Variants in KCNQ1OT1 observed in about 807,000 individuals in gnomAD.
KCNQ1OT1 encodes the protein KCNQ1 antisense RNA 2 (non-protein coding).
At chr11:2,636,679 T>G (rs1368945471) in exon 1 of KCNQ1OT1, 1 of 152,322 alleles carries the variant, frequency 6.6e-6, no homozygotes, top group East Asian at 1.9e-4. Flanking sequence ...GGCTTTGGTA[T>G]CAGGATGATG....
rs1850115411 is a variant in KCNQ1OT1, at chr11:2,668,057, T to C, written n.31938A>G. ...CAGCTTTGCCCACATTTGAACTTTA[T>C]GCGGTGGGAATGATGCAACTCATAC... On this transcript the variant is annotated non_coding_transcript_exon_variant, in exon 1 of 1. Coordinates refer to ENST00000597346, the Ensembl canonical transcript of KCNQ1OT1. This position sits in a 1 kb window ranked among gnomAD's most constrained non-coding sequence, Gnocchi z 4.3. 9 of 398,510 alleles carry C rather than the reference T, an allele frequency of 2.3e-5. No homozygotes were observed. Among genetic ancestry groups the C allele is most frequent in the Non-Finnish European group, 3.5e-5 (8 of 226,076 alleles). The allele number at this position is 398,510 out of a possible 1,614,324, so 24.7% of individuals were successfully genotyped here.
chr11:2,635,918 C>G (rs1306369392), exon 1 of KCNQ1OT1: 2 of 152,078 alleles, frequency 1.3e-5, no homozygotes, highest in African/African-American at 4.8e-5. Flanking sequence ...AAGTTGGATT[C>G]CTAGGTATTT....
In KCNQ1OT1 at chr11:2,626,716, A is replaced by G. The variant is rs1483304333; in HGVS notation, n.73279T>C. ...GCCAATTATTTTATTTTTTGTAGAG[A>G]TGAGGTCTCCCTGTGTTCCCCAGGC... On this transcript the variant is annotated non_coding_transcript_exon_variant, in exon 1 of 1. Coordinates refer to ENST00000597346, the Ensembl canonical transcript of KCNQ1OT1. The surrounding 1 kb of genome is among the most constrained non-coding windows in gnomAD (Gnocchi z 4.0). 2.5e-6 allele frequency: 1 copy of G among 398,468 alleles called. No individual in the cohort carries two copies. The highest frequency in any genetic ancestry group is 4.4e-6 in the Non-Finnish European group (1 of 226,046). 24.7% of individuals were successfully genotyped at this position (398,468 alleles called of 1,614,324 possible). A position where few individuals can be genotyped will look rare whatever the true frequency, so the allele number is the denominator to read the frequency against.
rs1849679277 is a variant in KCNQ1OT1 at position 2,647,201 on chromosome 11, C to T, written n.52794G>A. 1 of 398,162 alleles carries T rather than the reference C, an allele frequency of 2.5e-6. No homozygotes were observed. 24.7% of individuals were successfully genotyped at this position (398,162 alleles called of 1,614,324 possible). On this transcript the variant is annotated non_coding_transcript_exon_variant, in exon 1 of 1. Transcript: ENST00000597346. The surrounding 1 kb of genome is among the most constrained non-coding windows in gnomAD (Gnocchi z 4.0). ...ATCATGAAGAGATTTTGAATTTTAT[C>T]AGATGCTTTTTCTGCATCTATTGAG...
exon 1 of KCNQ1OT1, chr11:2,649,924 TG>T (rs1849731697): frequency 2.5e-6 from 1 of 398,514 alleles, no homozygotes; most frequent in Non-Finnish European, 4.4e-6. Flanking sequence ...ACTCCCAAAA[TG>T]TGAAATATTG....
At chr11:2,615,787 G>A (rs892340102) in exon 1 of KCNQ1OT1, 2 of 397,782 alleles carry the variant, frequency 5.0e-6, no homozygotes, top group Admixed American at 4.4e-5. Context: ...TGGCTTACTA[G>A]TACTTTGTTA....
exon 1 of KCNQ1OT1, chr11:2,636,574 G>C (rs1391755856): frequency 6.6e-6 from 1 of 152,138 alleles, no homozygotes; most frequent in Admixed American, 6.5e-5. Context: ...ATGTGCTGCT[G>C]GATTCGGTTT....
Position 2,671,589 on chromosome 11 carries a change from C to T in KCNQ1OT1, n.28406G>A, listed in dbSNP as rs921150738. The stretch of plus-strand genomic sequence containing the variant: ...TTGGCACTGAGCATTTATACAAGAT[C>T]AGACTGCACTGCACCCTAAGTATAA... On this transcript the variant is annotated non_coding_transcript_exon_variant, in exon 1 of 1. Coordinates refer to ENST00000597346, the Ensembl canonical transcript of KCNQ1OT1. The surrounding 1 kb of genome is among the most constrained non-coding windows in gnomAD (Gnocchi z 4.7). The T allele has an allele frequency of 1.5e-5, 6 of 398,496 alleles. No homozygotes were observed. Among genetic ancestry groups the T allele is most frequent in the African/African-American group, 1.2e-4 (6 of 48,622 alleles). The allele number at this position is 398,496 out of a possible 1,614,324, so 24.7% of individuals were successfully genotyped here.
At chr11:2,662,640 C>T (rs757310092) in exon 1 of KCNQ1OT1, 38 of 408,542 alleles carry the variant, frequency 9.3e-5, no homozygotes, top group Non-Finnish European at 1.3e-4. Flanking sequence ...TGCCCGGCCA[C>T]GGTGTGATTC....
Position 2,624,689 on chromosome 11 carries a change from A to T in KCNQ1OT1, n.75306T>A, listed in dbSNP as rs1849234834. On this transcript the variant is annotated non_coding_transcript_exon_variant, in exon 1 of 1. Transcript: ENST00000597346. This position sits in a 1 kb window ranked among gnomAD's most constrained non-coding sequence, Gnocchi z 4.9. ...CATCACTATCATCCATCTCCATAACACTTGTCATTTGTAATTATGAAACTC... is the reference window on the plus strand; with the variant it reads ...CATCACTATCATCCATCTCCATAACTCTTGTCATTTGTAATTATGAAACTC... 2.5e-6 allele frequency: 1 copy of T among 398,398 alleles called. No individual in the cohort carries two copies. Among genetic ancestry groups the T allele is most frequent in the Non-Finnish European group, 4.4e-6 (1 of 226,042 alleles). 24.7% of individuals were successfully genotyped at this position (398,398 alleles called of 1,614,324 possible). A position where few individuals can be genotyped will look rare whatever the true frequency, so the allele number is the denominator to read the frequency against.
chr11:2,660,608 G>A (rs889487907), exon 1 of KCNQ1OT1: 2 of 398,592 alleles, frequency 5.0e-6, no homozygotes, highest in East Asian at 3.6e-5. Context: ...CCAAACAGAT[G>A]CCAAGCCCAT....
chr11:2,672,549 G>A (rs1850205504), exon 1 of KCNQ1OT1: 1 of 398,554 alleles, frequency 2.5e-6, no homozygotes, highest in South Asian at 1.3e-4. Context: ...TTCCACATTG[G>A]AAGGTGGCCT....
exon 1 of KCNQ1OT1, chr11:2,649,689 C>A (rs1849728226): frequency 1.3e-5 from 5 of 398,398 alleles, no homozygotes; most frequent in Non-Finnish European, 1.8e-5. Flanking sequence ...TGTTGATTCC[C>A]TTATATGTGA....
exon 1 of KCNQ1OT1, chr11:2,693,487 A>G (rs1850622795): frequency 2.5e-6 from 1 of 398,688 alleles, no homozygotes; most frequent in Non-Finnish European, 4.4e-6. Flanking sequence ...AATTAGCAGG[A>G]GAAAGGCCTT....
chr11:2,644,816 C>G, exon 1 of KCNQ1OT1: 1 of 398,652 alleles, frequency 2.5e-6, no homozygotes, highest in Non-Finnish European at 4.4e-6. Context: ...CAGCTGTAAA[C>G]AGCACCAGTA....
chr11:2,692,090 A>C (rs1257548972), exon 1 of KCNQ1OT1: 3 of 396,624 alleles, frequency 7.6e-6, no homozygotes, highest in African/African-American at 2.1e-5. Flanking sequence ...ACCTGCCCCC[A>C]CCTCCTCTCC....
chr11:2,696,779 A>C (rs1850683630), exon 1 of KCNQ1OT1: 1 of 398,462 alleles, frequency 2.5e-6, no homozygotes, highest in South Asian at 1.3e-4. Context: ...CGTCTTTGTT[A>C]ATTCCTAGAC....
exon 1 of KCNQ1OT1, chr11:2,656,394 T>C (rs773574255): frequency 3.3e-5 from 13 of 398,548 alleles, no homozygotes; most frequent in Non-Finnish European, 5.7e-5. Context: ...AAGGATGTCA[T>C]GGGCACAGAG....
At chr11:2,610,328 A>C (rs772996840) in exon 1 of KCNQ1OT1, 1 of 398,066 alleles carries the variant, frequency 2.5e-6, no homozygotes, top group Non-Finnish European at 4.4e-6. Flanking sequence ...TTACATCTTT[A>C]TTATGCGCTA....
Sources: allele counts gnomAD v4.1 joint callset, GRCh38; gene constraint gnomAD v4.1.1; non-coding constraint Gnocchi (gnomAD v3.1); transcripts MANE v1.5; gene names NCBI Gene and HGNC (gene_info 2026-07-23, HGNC 2026-07-21).